Variants in ATXN7L1 observed in about 807,000 individuals in gnomAD.
ATXN7L1 encodes the protein ataxin-7-like protein 1.
Under a neutral mutation model 70.8 loss-of-function variants are expected in ATXN7L1, and 15 were observed. The ratio of observed to expected loss-of-function variants is 0.21; its 90% CI spans 0.14 to 0.33. ATXN7L1 has a LOEUF of 0.33. Ranked by LOEUF, ATXN7L1 falls within the 10% of genes least tolerant of loss-of-function variation. ATXN7L1 has a pLI of 1.00. For synonymous variants in ATXN7L1, 440 were observed against 445.1 expected, an observed-to-expected ratio of 0.99 and a Z score of 0.14; for missense variants, 975 against 1,097.1, an observed-to-expected ratio of 0.89 and a Z score of 1.57.
intron 3 of ATXN7L1, among the ~76,000 whole-genome samples, chr7:105,685,091 G>T (rs1013508627): frequency 1.5e-5 from 2 of 137,190 alleles, no homozygotes; most frequent in Non-Finnish European, 3.2e-5. Flanking sequence ...ATAATAAATG[G>T]TTTTCCAATT....
At chr7:105,734,953 C>T (rs1191073019) in intron 3 of ATXN7L1, among the ~76,000 whole-genome samples, 1 of 152,172 alleles carries the variant, frequency 6.6e-6, no homozygotes, top group East Asian at 1.9e-4. Flanking sequence ...CTAGCCTCCA[C>T]ACTTATGCTT....
intron 3 of ATXN7L1, among the ~76,000 whole-genome samples, chr7:105,779,037 G>A (rs1803168319): frequency 6.6e-6 from 1 of 152,156 alleles, no homozygotes; most frequent in Non-Finnish European, 1.5e-5. Flanking sequence ...ATCCTACAGG[G>A]GATGGAAATG....
chr7:105,824,313 T>TA (rs1208803609), intron 2 of ATXN7L1, among the ~76,000 whole-genome samples: 1 of 152,154 alleles, frequency 6.6e-6, no homozygotes, highest in Admixed American at 6.5e-5. Context: ...GCCTCACTCT[T>TA]AAATATGAAT....
intron 3 of ATXN7L1, among the ~76,000 whole-genome samples, chr7:105,679,560 T>C (rs192836385): frequency 2.6e-5 from 4 of 152,332 alleles, no homozygotes; most frequent in Non-Finnish European, 5.9e-5. Context: ...AAAATACTTT[T>C]GTGGGTTGTT....
Position 105,614,918 on chromosome 7 carries a change from C to T in ATXN7L1, c.1518-102G>A, listed in dbSNP as rs1040475348. On this transcript the variant is annotated intron_variant, in intron 9 of 11. Coordinates refer to ENST00000419735, the MANE Select transcript of ATXN7L1 (RefSeq NM_020725.2). The surrounding 1 kb of genome is among the most constrained non-coding windows in gnomAD (Gnocchi z 4.3). Reference sequence around the variant, plus strand: ...AGGATCAGGGCTACAGAGGACACCCCGGCAGAACCAGACTATGGAGAATGG... The same window carrying T: ...AGGATCAGGGCTACAGAGGACACCCTGGCAGAACCAGACTATGGAGAATGG... 1.5e-5 allele frequency: 20 copies of T among 1,349,344 alleles called. No individual in the cohort carries two copies. Among genetic ancestry groups the T allele is most frequent in the Admixed American group, 1.1e-4 (4 of 38,008 alleles). The allele number at this position is 1,349,344 out of a possible 1,614,324, so 83.6% of individuals were successfully genotyped here.
intron 3 of ATXN7L1, chr7:105,691,671 A>AG (rs1790868277): frequency 6.7e-6 from 1 of 150,236 alleles, no homozygotes. Flanking sequence ...AAAAAAAAAA[A>AG]AGAAAAAAAA....
chr7:105,734,387 G>A (rs1010862080), intron 3 of ATXN7L1, among the ~76,000 whole-genome samples: 2 of 152,206 alleles, frequency 1.3e-5, no homozygotes, highest in Non-Finnish European at 2.9e-5. Flanking sequence ...GGGCCTCAGA[G>A]CCCGGGGCAG....
At chr7:105,855,397 T>C (rs1259422400) in intron 2 of ATXN7L1, among the ~76,000 whole-genome samples, 1 of 152,248 alleles carries the variant, frequency 6.6e-6, no homozygotes, top group Non-Finnish European at 1.5e-5. Flanking sequence ...CGTTGCTTAA[T>C]CCTGCTCTCA....
chr7:105,814,974 A>C (rs1212888936), intron 2 of ATXN7L1, among the ~76,000 whole-genome samples: 1 of 152,198 alleles, frequency 6.6e-6, no homozygotes, highest in Non-Finnish European at 1.5e-5. Flanking sequence ...ACATATAAGA[A>C]ATGGAACTGC....
At chr7:105,781,167 C>G (rs1803469546) in intron 3 of ATXN7L1, among the ~76,000 whole-genome samples, 1 of 152,116 alleles carries the variant, frequency 6.6e-6, no homozygotes, top group Non-Finnish European at 1.5e-5. Flanking sequence ...AATTATTCAG[C>G]CCAAAATGTC....
At chr7:105,840,337 G>C (rs1449742692) in intron 2 of ATXN7L1, among the ~76,000 whole-genome samples, 1 of 152,186 alleles carries the variant, frequency 6.6e-6, no homozygotes, top group Admixed American at 6.5e-5. Flanking sequence ...CCTAGAGAAC[G>C]GGGGCTTGGA....
intron 7 of ATXN7L1, among the ~76,000 whole-genome samples, chr7:105,633,702 AG>A (rs1243482561): frequency 1.3e-5 from 2 of 152,154 alleles, no homozygotes; most frequent in Non-Finnish European, 1.5e-5. Flanking sequence ...CCTGGGTGAC[AG>A]GGGGGAGACT....
chr7:105,724,288 T>G (rs1795537277), intron 3 of ATXN7L1, among the ~76,000 whole-genome samples: 2 of 151,984 alleles, frequency 1.3e-5, no homozygotes, highest in Admixed American at 1.3e-4. Flanking sequence ...GAAATGGAAA[T>G]TAGGGCCGGG....
At chr7:105,624,680 C>T (rs1341143890) in intron 7 of ATXN7L1, among the ~76,000 whole-genome samples, 1 of 148,938 alleles carries the variant, frequency 6.7e-6, no homozygotes, top group Non-Finnish European at 1.5e-5. Context: ...CCTGATTAGC[C>T]TTGCCAGTAC....
At chr7:105,677,955 T>C (rs1003756333) in intron 3 of ATXN7L1, 7 of 985,396 alleles carry the variant, frequency 7.1e-6, no homozygotes, top group Non-Finnish European at 8.4e-6. Context: ...CCCCACAGAC[T>C]GTCGTGGTCC....
chr7:105,833,268 C>CT (rs1811892501), intron 2 of ATXN7L1, among the ~76,000 whole-genome samples: 1 of 152,160 alleles, frequency 6.6e-6, no homozygotes, highest in African/African-American at 2.4e-5. Flanking sequence ...CCCACAGCCC[C>CT]TCACTCACTA....
intron 4 of ATXN7L1, among the ~76,000 whole-genome samples, chr7:105,646,860 C>T (rs2115954367): frequency 6.6e-6 from 1 of 151,924 alleles, no homozygotes; most frequent in South Asian, 2.1e-4. Flanking sequence ...AGGAGAGTCA[C>T]TTGAACCCAG....
intron 2 of ATXN7L1, among the ~76,000 whole-genome samples, chr7:105,841,375 G>C (rs554702921): frequency 6.6e-6 from 1 of 152,270 alleles, no homozygotes; most frequent in Admixed American, 6.5e-5. Context: ...GCTTATCCAC[G>C]GTTTCACTTT....
intron 3 of ATXN7L1, among the ~76,000 whole-genome samples, chr7:105,707,501 GCCT>G (rs1296510072): frequency 1.3e-5 from 2 of 152,160 alleles, no homozygotes; most frequent in Admixed American, 6.5e-5. Context: ...TGCAGTCTGA[GCCT>G]CCTCCTCACA....
Sources: gnomAD v4.1 joint callset for allele counts (sites outside exome capture counted in the v4.1 genomes callset) on GRCh38, gnomAD v4.1.1 for gene constraint, Gnocchi (gnomAD v3.1) non-coding constraint, MANE v1.5 for transcripts, NCBI Gene and HGNC (gene_info 2026-07-23, HGNC 2026-07-21) for gene names.